Variants in MARK2 observed in about 807,000 individuals in gnomAD.
MARK2 encodes the protein microtubule affinity regulating kinase 2, also known as serine/threonine-protein kinase MARK2.
MARK2 carries 16 observed loss-of-function variants against 89.8 expected under a neutral mutation model. The ratio of observed to expected loss-of-function variants is 0.18; its 90% CI spans 0.12 to 0.27. MARK2 has a LOEUF of 0.27. Among genes scored for constraint, MARK2 ranks in the 10% least tolerant of loss-of-function variants. MARK2 has a pLI of 1.00. For missense variants in MARK2, 621 were observed against 1,049.9 expected (o/e 0.59, Z 5.65); for synonymous variants, 382 against 399.5 (o/e 0.96, Z 0.52).
intron 16 of MARK2, among the ~76,000 whole-genome samples, chr11:63,905,250 A>G (rs573106786): frequency 2.0e-5 from 3 of 151,530 alleles, no homozygotes; most frequent in Admixed American, 6.6e-5. Context: ...CCTCTCCCCA[A>G]CTCCTCACAG....
intron 1 of MARK2, among the ~76,000 whole-genome samples, chr11:63,851,719 C>G (rs2016581243): frequency 1.3e-5 from 2 of 152,092 alleles, no homozygotes; most frequent in African/African-American, 4.8e-5. Flanking sequence ...CTTTTGTTCT[C>G]TCATTCCTCT....
intron 1 of MARK2, among the ~76,000 whole-genome samples, chr11:63,852,768 A>G (rs1349794884): frequency 6.6e-6 from 1 of 152,146 alleles, no homozygotes; most frequent in African/African-American, 2.4e-5. Context: ...GTCTTATGCG[A>G]CAGAACATTT....
chr11:63,887,651 A>G (rs1268862828), intron 1 of MARK2, among the ~76,000 whole-genome samples: 2 of 152,198 alleles, frequency 1.3e-5, no homozygotes. Flanking sequence ...AGCCTAGAAT[A>G]GGGGATGAAT....
rs150226338 is a variant in MARK2, at chr11:63,908,994, C to G, written c.2124C>G (p.Asn708Lys). 1.3e-6 allele frequency: 2 copies of G among 1,579,514 alleles called. No individual in the cohort carries two copies. Among genetic ancestry groups the G allele is most frequent in the East Asian group, 4.6e-5 (2 of 43,918 alleles). ...AGACCACGAGCTCCATGGAGCCCAACGAGATGATGCGGGAGATCCGCAAGG... is the reference window on the plus strand; with the variant it reads ...AGACCACGAGCTCCATGGAGCCCAAGGAGATGATGCGGGAGATCCGCAAGG... ...SMKTTSSMEP[N>K]EMMREIRKVL... is the part of the protein sequence containing the mutation. Residue 708 changes from asparagine to lysine, a missense_variant, in exon 19 of 19, where the codon AAC becomes AAG. Transcript: ENST00000402010.
chr11:63,901,710 G>A (rs1313169983), intron 11 of MARK2, among the ~76,000 whole-genome samples: 1 of 151,718 alleles, frequency 6.6e-6, no homozygotes, highest in Non-Finnish European at 1.5e-5. Context: ...GTGTGTGTGT[G>A]TGTGTGTGTG....
chr11:63,879,285 C>T (rs112004713), intron 1 of MARK2, among the ~76,000 whole-genome samples: 2,581 of 151,864 alleles, frequency 0.017, 65 homozygotes, highest in African/African-American at 0.057. Context: ...CCAGCCTGGG[C>T]GATAGAGTGA....
intron 1 of MARK2, among the ~76,000 whole-genome samples, chr11:63,873,925 G>A (rs1938598586): frequency 6.6e-6 from 1 of 152,268 alleles, no homozygotes; most frequent in East Asian, 1.9e-4. Flanking sequence ...GGGATTACAG[G>A]CATGAGCTAC....
chr11:63,908,176 C>T, intron 17 of MARK2, 84 bp from the exon 18 acceptor site: 1 of 1,315,416 alleles, frequency 7.6e-7, no homozygotes, highest in East Asian at 2.5e-5. Flanking sequence ...TGGCACCTCC[C>T]CAGACCCACT....
intron 3 of MARK2, 106 bp from the exon 4 acceptor site, chr11:63,898,126 G>A (rs1486669688): frequency 4.5e-6 from 4 of 892,636 alleles, no homozygotes; most frequent in Non-Finnish European, 7.3e-6. Context: ...TCTTTTCCCT[G>A]CCCGGTTTTG....
chr11:63,890,073 T>C (rs772046886), intron 1 of MARK2: 33 of 387,562 alleles, frequency 8.5e-5, no homozygotes, highest in Admixed American at 1.6e-4. Context: ...TCTCTCTCCA[T>C]ATTAGCCACT....
intron 1 of MARK2, among the ~76,000 whole-genome samples, chr11:63,852,790 TA>T (rs2016638408): frequency 6.6e-6 from 1 of 152,188 alleles, no homozygotes; most frequent in Non-Finnish European, 1.5e-5. Flanking sequence ...CATGTAGTAT[TA>T]TGGTACCAGT....
At position 63,839,505 on chromosome 11, in the gene MARK2, C is replaced by G; in HGVS notation, c.-2C>G. ...GGTTCCCTCCCCCGAGATACCGGCG[C>G]CATGTCCAGCGCTCGGACCCCCCTA... On this transcript the variant is annotated 5_prime_UTR_variant, in exon 1 of 19. Transcript: ENST00000402010. 1 of 1,531,520 alleles carries G rather than the reference C, an allele frequency of 6.5e-7. No homozygotes were observed. The allele number at this position is 1,531,520 out of a possible 1,614,324, so 94.9% of individuals were successfully genotyped here.
At chr11:63,889,057 G>T in intron 1 of MARK2, 4 of 969,838 alleles carry the variant, frequency 4.1e-6, no homozygotes, top group Admixed American at 2.2e-5. Context: ...GCTAAGGGGC[G>T]CCCTGCCTGA....
At chr11:63,852,959 T>C (rs2016646164) in intron 1 of MARK2, among the ~76,000 whole-genome samples, 1 of 152,256 alleles carries the variant, frequency 6.6e-6, no homozygotes. Context: ...ACAGGATAAG[T>C]TGCCACATTG....
At position 63,861,834 on chromosome 11, in the gene MARK2, C is replaced by T. The variant is rs111614831; in HGVS notation, c.54+22274C>T. On this transcript the variant is annotated intron_variant, in intron 1 of 18. Coordinates refer to ENST00000402010, the MANE Select transcript of MARK2 (RefSeq NM_001039469.3). ...TTGGCTCACTGCAACCTCCGCCTCC[C>T]GGGTTCAAGCAATTCTCCTGCCTCA... Among the ~76,000 whole-genome samples, 767 of 151,164 alleles carry T rather than the reference C, an allele frequency of 5.1e-3. 4 individuals carry two copies. The highest frequency in any genetic ancestry group is 0.017 in the African/African-American group (720 of 41,178).
chr11:63,853,794 C>T (rs755726591), intron 1 of MARK2, among the ~76,000 whole-genome samples: 29 of 152,124 alleles, frequency 1.9e-4, no homozygotes, highest in Non-Finnish European at 3.8e-4. Context: ...GCCATTTTTA[C>T]TTGAGAATGT....
At chr11:63,898,501 A>G (rs946334402) in intron 4 of MARK2, 107 bp from the exon 5 acceptor site, 1 of 970,650 alleles carries the variant, frequency 1.0e-6, no homozygotes, top group Admixed American at 1.9e-5. Flanking sequence ...GTGGGGGATC[A>G]TGAAAGGAGG....
chr11:63,896,402 G>A (rs539132873), intron 3 of MARK2, among the ~76,000 whole-genome samples: 19 of 152,236 alleles, frequency 1.2e-4, no homozygotes, highest in Non-Finnish European at 2.8e-4. Flanking sequence ...TGGGTTCTGT[G>A]CCAGCTACCT....
At chr11:63,873,951 G>A (rs1938599564) in intron 1 of MARK2, among the ~76,000 whole-genome samples, 3 of 152,250 alleles carry the variant, frequency 2.0e-5, no homozygotes, top group Non-Finnish European at 4.4e-5. Context: ...CCAGCCTGAA[G>A]ATTGGTTATT....
Sources: gnomAD v4.1 joint callset for allele counts (sites outside exome capture counted in the v4.1 genomes callset) on GRCh38, gnomAD v4.1.1 for gene constraint, MANE v1.5 for transcripts, NCBI Gene and HGNC (gene_info 2026-07-23, HGNC 2026-07-21) for gene names.